The following SRSF3 variants were observed in gnomAD, a reference collection of about 807,000 sequenced individuals.
The protein encoded by SRSF3 is serine and arginine rich splicing factor 3, also known as serine/arginine-rich splicing factor 3.
For missense variants in SRSF3, 58 were observed against 217.1 expected, an observed-to-expected ratio of 0.27 and a Z score of 4.61; for synonymous variants, 87 against 73.6, an observed-to-expected ratio of 1.18 and a Z score of -0.93.
intron 4 of SRSF3, 154 bp from the exon 5 acceptor site, chr6:36,601,554 A>G (rs1218864875): frequency 2.0e-5 from 14 of 699,482 alleles, no homozygotes; most frequent in South Asian, 1.4e-4. Context: ...TTGTTGTCCA[A>G]TCTGTTCTCA....
rs1256171517 is a variant in SRSF3 at position 36,598,570 on chromosome 6, G to A, written c.207-279G>A. ...GGCTATTTTTTGTATTTTTAGTAGAGCGAGGGTTTCACCACGTTGGCCAAG... is the reference window on the plus strand; with the variant it reads ...GGCTATTTTTTGTATTTTTAGTAGAACGAGGGTTTCACCACGTTGGCCAAG... On this transcript the variant is annotated intron_variant, in intron 2 of 5. Coordinates refer to ENST00000373715, the MANE Select transcript of SRSF3 (RefSeq NM_003017.5). The A allele has an allele frequency of 1.7e-5, 5 of 298,894 alleles. No individual in the cohort carries two copies. In the East Asian group the frequency reaches 3.6e-4, roughly 21 times the overall value. The allele number at this position is 298,894 out of a possible 1,614,324, so 18.5% of individuals were successfully genotyped here.
chr6:36,597,819 T>A (rs1030684841), intron 2 of SRSF3, among the ~76,000 whole-genome samples: 1 of 150,988 alleles, frequency 6.6e-6, no homozygotes, highest in African/African-American at 2.4e-5. Flanking sequence ...TTTTTTTTTT[T>A]ACTACTGTGA....
chr6:36,603,825 C>CTTA lies in SRSF3; in HGVS notation c.*1838_*1840dup, dbSNP rs761247940. 1 of 231,604 alleles carries CTTA rather than the reference C, an allele frequency of 4.3e-6. No individual in the cohort carries two copies. Among genetic ancestry groups the CTTA allele is most frequent in the African/African-American group, 2.2e-5 (1 of 45,376 alleles). The allele number at this position is 231,604 out of a possible 1,614,324, so 14.3% of individuals were successfully genotyped here. A position where few individuals can be genotyped will look rare whatever the true frequency, so the allele number is the denominator to read the frequency against. ...TACATTGCTTTTTATAAATGGACAA[C>CTTA]TTATGTGGGCATTTTTGGGCAGTAT... On this transcript the variant is annotated 3_prime_UTR_variant, in exon 6 of 6. Transcript: ENST00000373715.
At chr6:36,594,927 G>C (rs1164445770) in intron 1 of SRSF3, among the ~76,000 whole-genome samples, 1 of 152,146 alleles carries the variant, frequency 6.6e-6, no homozygotes, top group Non-Finnish European at 1.5e-5. Flanking sequence ...TTTGCAGCCT[G>C]AATCTAATCA....
intron 1 of SRSF3, among the ~76,000 whole-genome samples, chr6:36,596,547 A>C (rs1454061025): frequency 6.1e-4 from 57 of 94,200 alleles, no homozygotes; most frequent in African/African-American, 2.4e-3. Flanking sequence ...CCTGAGGGTT[A>C]GGAGTAAAGA....
intron 3 of SRSF3, among the ~76,000 whole-genome samples, 169 bp downstream of exon 3, chr6:36,599,152 C>T (rs2127505749): frequency 6.6e-6 from 1 of 152,204 alleles, no homozygotes; most frequent in Non-Finnish European, 1.5e-5. Flanking sequence ...TGAGTGTTGG[C>T]TTTTGTCTTT....
intron 1 of SRSF3, among the ~76,000 whole-genome samples, chr6:36,595,335 T>C (rs772470124): frequency 6.6e-6 from 1 of 152,364 alleles, no homozygotes; most frequent in Non-Finnish European, 1.5e-5. Flanking sequence ...GTAAATTTTT[T>C]AGTAGCAAAT....
chr6:36,596,347 A>G (rs1778626643), intron 1 of SRSF3, among the ~76,000 whole-genome samples: 2 of 152,172 alleles, frequency 1.3e-5, no homozygotes, highest in South Asian at 2.1e-4. Flanking sequence ...AGCTTTCTTC[A>G]TCATTGTTTT....
chr6:36,600,384 T>C, intron 3 of SRSF3: 2 of 633,154 alleles, frequency 3.2e-6, no homozygotes, highest in Non-Finnish European at 4.0e-6. Context: ...AATTGAATGG[T>C]AACGTACATA....
rs200592719 is a variant in SRSF3, at chr6:36,600,978, CT to C, written c.342-166del. 1.4e-3 allele frequency: 614 copies of C among 431,610 alleles called. 3 individuals carry two copies. In the African/African-American group the frequency reaches 0.017, roughly 12 times the overall value. The allele number at this position is 431,610 out of a possible 1,614,324, so 26.7% of individuals were successfully genotyped here. ...TTTTTGTTTCTTAATCCTTCTGTGC[CT>C]TTTTTTTCTTTTCTTTTTTTTCTTT... On this transcript the variant is annotated intron_variant, in intron 3 of 5. Transcript: ENST00000373715.
At chr6:36,601,007 T>C (rs868109141) in intron 3 of SRSF3, 145 bp from the exon 4 acceptor site, 12 of 279,864 alleles carry the variant, frequency 4.3e-5, no homozygotes, top group South Asian at 1.7e-4. Flanking sequence ...TTTTCTTTTT[T>C]TTTTTTTTTT....
chr6:36,601,381 C>G (rs900694697), intron 4 of SRSF3, 191 bp downstream of exon 4: 2 of 635,942 alleles, frequency 3.1e-6, no homozygotes, highest in Non-Finnish European at 5.3e-6. Context: ...AAAAAAGGAT[C>G]TGTCACCCAG....
intron 2 of SRSF3, 75 bp downstream of exon 2, chr6:36,597,043 C>T (rs1778640818): frequency 8.7e-6 from 11 of 1,263,848 alleles, no homozygotes; most frequent in African/African-American, 4.6e-5. Flanking sequence ...ATATGTGGCT[C>T]TTAGATGGCT....
rs1778756075 is a variant in SRSF3, at chr6:36,603,620, A to G, written c.*1631A>G. ...AATCTTGGGAGAATTGGTGTCAGGA[A>G]GGTTCAGCCTTAAAGTTAAGCATGT... On this transcript the variant is annotated 3_prime_UTR_variant, in exon 6 of 6. Transcript: ENST00000373715. 8.7e-6 allele frequency: 2 copies of G among 229,362 alleles called. No individual in the cohort carries two copies. Among genetic ancestry groups the G allele is most frequent in the Non-Finnish European group, 1.7e-5 (2 of 115,726 alleles). 14.2% of individuals were successfully genotyped at this position (229,362 alleles called of 1,614,324 possible).
chr6:36,596,340 T>G (rs1299132129), intron 1 of SRSF3, among the ~76,000 whole-genome samples: 1 of 152,160 alleles, frequency 6.6e-6, no homozygotes, highest in Admixed American at 6.5e-5. Context: ...AAGGACTAGC[T>G]TTCTTCATCA....
At chr6:36,596,343 C>T (rs1188553229) in intron 1 of SRSF3, among the ~76,000 whole-genome samples, 1 of 152,040 alleles carries the variant, frequency 6.6e-6, no homozygotes, top group African/African-American at 2.4e-5. Flanking sequence ...GACTAGCTTT[C>T]TTCATCATTG....
intron 1 of SRSF3, 169 bp downstream of exon 1, chr6:36,594,650 C>T (rs1443142975): frequency 6.6e-6 from 1 of 152,290 alleles, no homozygotes; most frequent in Non-Finnish European, 1.5e-5. Context: ...GTTTCCTAGT[C>T]TTGGAGTGGA....
rs926257429 is a variant in SRSF3, at chr6:36,603,678, T to C, written c.*1689T>C. ...AGACACTTTTCAGACAGCCTGTTTATTTACTGAGAGCTCTGGCATTGGGCA... is the reference window on the plus strand; with the variant it reads ...AGACACTTTTCAGACAGCCTGTTTACTTACTGAGAGCTCTGGCATTGGGCA... On this transcript the variant is annotated 3_prime_UTR_variant, in exon 6 of 6. Transcript: ENST00000373715. 3 of 230,564 alleles carry C rather than the reference T, an allele frequency of 1.3e-5. No individual in the cohort carries two copies. In the Admixed American group the frequency reaches 1.7e-4, roughly 13 times the overall value. The allele number at this position is 230,564 out of a possible 1,614,324, so 14.3% of individuals were successfully genotyped here.
At chr6:36,601,432 TA>T (rs1049552473) in intron 4 of SRSF3, 10 of 577,626 alleles carry the variant, frequency 1.7e-5, no homozygotes, top group Admixed American at 6.0e-5. Flanking sequence ...CTGTAGCCTT[TA>T]ACTCCTGGCC....
Sources: gnomAD v4.1 joint callset for allele counts (sites outside exome capture counted in the v4.1 genomes callset) on GRCh38, gnomAD v4.1.1 for gene constraint, MANE v1.5 for transcripts, NCBI Gene and HGNC (gene_info 2026-07-23, HGNC 2026-07-21) for gene names.